The following DPP4 variants were observed in gnomAD, a reference collection of about 807,000 sequenced individuals.
DPP4 encodes the protein ADCP-2.
DPP4 carries 93 observed loss-of-function variants against 122.4 expected under a neutral mutation model. The observed-to-expected ratio is 0.76, with a 90% confidence interval of 0.64 to 0.90. DPP4 has a LOEUF of 0.90. Among genes scored for constraint, DPP4 ranks in the 40% least tolerant of loss-of-function variants. The pLI is 0.00. For synonymous variants in DPP4, 321 were observed against 302.9 expected (o/e 1.06, Z -0.62); for missense variants, 914 against 907.3 (o/e 1.01, Z -0.09).
In DPP4 at chr2:162,016,971, A is replaced by G; in HGVS notation, c.1469-105T>C. 4 of 1,395,788 alleles carry G rather than the reference A, an allele frequency of 2.9e-6. No homozygotes were observed. The South Asian group carries it at 3.9e-5, about 14-fold the overall frequency. 86.5% of individuals were successfully genotyped at this position (1,395,788 alleles called of 1,614,324 possible). ...GAAATTCACTGATCGGACTACACAT[A>G]CTTCAGGTTATAAGGCTTGTGTTCA... On this transcript the variant is annotated intron_variant, in intron 17 of 25. Coordinates refer to ENST00000360534, the MANE Select transcript of DPP4 (RefSeq NM_001935.4).
chr2:162,048,476 T>TA (rs1684265020), intron 2 of DPP4, among the ~76,000 whole-genome samples: 1 of 151,980 alleles, frequency 6.6e-6, no homozygotes, highest in Admixed American at 6.6e-5. Flanking sequence ...GGAACAAGAT[T>TA]AACACTCCTT....
At chr2:162,072,099 G>C (rs548047854) in intron 2 of DPP4, among the ~76,000 whole-genome samples, 5 of 152,288 alleles carry the variant, frequency 3.3e-5, no homozygotes, top group Admixed American at 1.3e-4. Flanking sequence ...AGCTTATACA[G>C]TCCTTGAGGT....
intron 2 of DPP4, among the ~76,000 whole-genome samples, chr2:162,061,203 A>T (rs1025134945): frequency 6.6e-6 from 1 of 152,124 alleles, no homozygotes; most frequent in Non-Finnish European, 1.5e-5. Flanking sequence ...CACTGTGCCC[A>T]GCTGCATCTT....
At chr2:162,017,976 T>C (rs890018629) in intron 16 of DPP4, among the ~76,000 whole-genome samples, 2 of 151,738 alleles carry the variant, frequency 1.3e-5, no homozygotes, top group Admixed American at 1.3e-4. Context: ...TTAAACAAGA[T>C]CATGAATATA....
At chr2:162,073,846 G>T in intron 1 of DPP4, 130 bp downstream of exon 1, 1 of 1,266,340 alleles carries the variant, frequency 7.9e-7, no homozygotes, top group Non-Finnish European at 1.1e-6. Context: ...TCACCTGTCA[G>T]AGGGTGGCCT....
chr2:162,048,997 C>T (rs1327742498), intron 2 of DPP4, among the ~76,000 whole-genome samples: 5 of 152,198 alleles, frequency 3.3e-5, no homozygotes, highest in Non-Finnish European at 7.3e-5. Flanking sequence ...GATTCCTCTT[C>T]TCCAATCCCA....
intron 2 of DPP4, among the ~76,000 whole-genome samples, chr2:162,071,560 T>C (rs1158184191): frequency 6.6e-6 from 1 of 152,144 alleles, no homozygotes; most frequent in Non-Finnish European, 1.5e-5. Context: ...GGGAATCACT[T>C]GAACCCGGGA....
intron 2 of DPP4, among the ~76,000 whole-genome samples, chr2:162,065,724 G>A (rs1375502829): frequency 6.6e-6 from 1 of 152,114 alleles, no homozygotes; most frequent in Admixed American, 6.5e-5. Context: ...AATGCTTTAT[G>A]CTTGGTTGTT....
chr2:162,040,800 G>T (rs1208440403), intron 5 of DPP4, among the ~76,000 whole-genome samples: 1 of 151,822 alleles, frequency 6.6e-6, no homozygotes, highest in Non-Finnish European at 1.5e-5. Context: ...ATAACAAATG[G>T]ACCACACTCA....
intron 10 of DPP4, among the ~76,000 whole-genome samples, chr2:162,032,720 A>AAAAC (rs374772403): frequency 6.7e-6 from 1 of 149,322 alleles, no homozygotes. Flanking sequence ...AAAAAAAAAA[A>AAAAC]CAGCAACAAA....
At chr2:162,052,494 C>T (rs1163305539) in intron 2 of DPP4, among the ~76,000 whole-genome samples, 1 of 152,122 alleles carries the variant, frequency 6.6e-6, no homozygotes, top group African/African-American at 2.4e-5. Context: ...TGGCACTTCT[C>T]AGCCTCCAGA....
rs1450970774 is a variant in DPP4, at chr2:162,008,677, A to G, written c.1888-16T>C. ...CTCCATATGACTAAGGAATGGAAAC[A>G]GTTATTTTTATGGAGGTAAAAGAAT... On this transcript the variant is annotated splice_polypyrimidine_tract_variant and intron_variant, in intron 21 of 25. Transcript: ENST00000360534. The G allele has an allele frequency of 6.2e-7, 1 of 1,604,514 alleles. No homozygotes were observed. The highest frequency in any genetic ancestry group is 2.2e-5 in the East Asian group (1 of 44,832).
intron 9 of DPP4, among the ~76,000 whole-genome samples, chr2:162,034,436 A>T (rs1683691858): frequency 6.6e-6 from 1 of 152,090 alleles, no homozygotes; most frequent in African/African-American, 2.4e-5. Context: ...CTCTTCATAA[A>T]GCAAATTGAG....
At position 162,073,426 on chromosome 2, in the gene DPP4, C is replaced by T; in HGVS notation, c.67G>A (p.Val23Met). The change falls in exon 2 of 26, where the codon GTG becomes ATG. Residue 23 changes from valine (V) to methionine (M), a missense_variant. Physicochemically the swap from Val to Met is conservative, Grantham distance 21. Coordinates refer to ENST00000360534, the MANE Select transcript of DPP4 (RefSeq NM_001935.4). Reference sequence around the variant, plus strand: ...CCTTTGTTCAGCAGAACCACGGGCACGGTGATGATGGTGACAAGCGCAGCA... The same window carrying T: ...CCTTTGTTCAGCAGAACCACGGGCATGGTGATGATGGTGACAAGCGCAGCA... ...GAAALVTIIT[V>M]PVVLLNKGTD... 1 of 1,614,094 alleles carries T rather than the reference C, an allele frequency of 6.2e-7. No homozygotes were observed. Among genetic ancestry groups the T allele is most frequent in the Non-Finnish European group, 8.5e-7 (1 of 1,180,028 alleles).
At chr2:162,022,598 A>T (rs1683170206) in intron 12 of DPP4, among the ~76,000 whole-genome samples, 157 bp downstream of exon 12, 4 of 152,192 alleles carry the variant, frequency 2.6e-5, no homozygotes, top group African/African-American at 9.7e-5. Context: ...CTCTACAAAA[A>T]GATATCTTTA....
intron 2 of DPP4, 35 bp downstream of exon 2, chr2:162,073,364 A>G (rs757892511): frequency 1.5e-5 from 24 of 1,609,202 alleles, no homozygotes; most frequent in Non-Finnish European, 2.0e-5. Flanking sequence ...CCTGAGCTCC[A>G]ACTGTCCTAT....
chr2:162,018,737 C>T lies in DPP4; in HGVS notation c.1412G>A (p.Arg471Lys). The T allele has an allele frequency of 6.2e-7, 1 of 1,613,988 alleles. No homozygotes were observed. ...FSKEAKYYQL[R>K]CSGPGLPLYT... ...AGGGAGCTCAGACTTACCGGAACAT[C>T]TCAGCTGATAATACTTCGCCTCTTT... is the stretch of plus-strand genomic sequence containing the variant. Residue 471 changes from arginine (R) to lysine (K), a missense_variant, in exon 16 of 26, where the codon AGA becomes AAA. Transcript: ENST00000360534.
chr2:162,047,711 TTCAC>T (rs1351526167), intron 2 of DPP4, among the ~76,000 whole-genome samples: 1 of 152,172 alleles, frequency 6.6e-6, no homozygotes, highest in African/African-American at 2.4e-5. Context: ...GTGTGTGTGT[TTCAC>T]TCTGCTGTAT....
At chr2:162,016,214 C>A (rs1559709783) in intron 18 of DPP4, among the ~76,000 whole-genome samples, 1 of 152,070 alleles carries the variant, frequency 6.6e-6, no homozygotes, top group South Asian at 2.1e-4. Flanking sequence ...GAAAAACAAA[C>A]AATAAATAAC....
Sources: gnomAD v4.1 joint callset for allele counts (sites outside exome capture counted in the v4.1 genomes callset) on GRCh38, gnomAD v4.1.1 for gene constraint, MANE v1.5 for transcripts, NCBI Gene and HGNC (gene_info 2026-07-23, HGNC 2026-07-21) for gene names.